The following NTNG1 variants were observed in gnomAD, a reference collection of about 807,000 sequenced individuals.
NTNG1 encodes the protein netrin-G1.
Under a neutral mutation model 54.0 loss-of-function variants are expected in NTNG1, and 16 were observed. The ratio of observed to expected loss-of-function variants is 0.30; its 90% CI spans 0.20 to 0.45. The LOEUF is 0.45. Ranked by LOEUF, NTNG1 falls within the 20% of genes least tolerant of loss-of-function variation. NTNG1 has a pLI of 1.00. For synonymous variants in NTNG1, 255 were observed against 263.1 expected, an observed-to-expected ratio of 0.97 and a Z score of 0.30; for missense variants, 530 against 678.7, an observed-to-expected ratio of 0.78 and a Z score of 2.43.
chr1:107,257,995 C>T (rs114062924), intron 2 of NTNG1, among the ~76,000 whole-genome samples: 4 of 152,190 alleles, frequency 2.6e-5, no homozygotes, highest in East Asian at 1.9e-4. Flanking sequence ...AGGACATCAT[C>T]GGTGATAATA....
chr1:107,370,561 T>C (rs1330604980), intron 3 of NTNG1, among the ~76,000 whole-genome samples: 1 of 151,836 alleles, frequency 6.6e-6, no homozygotes. Flanking sequence ...TTCTTAGGCC[T>C]TTCCATCCTC....
chr1:107,165,379 C>A (rs1655715208), intron 2 of NTNG1, among the ~76,000 whole-genome samples: 1 of 152,148 alleles, frequency 6.6e-6, no homozygotes, highest in South Asian at 2.1e-4. Flanking sequence ...ATTAAAATAG[C>A]TTTGCTGTTA....
intron 2 of NTNG1, among the ~76,000 whole-genome samples, chr1:107,302,919 C>T (rs1666414610): frequency 6.6e-6 from 1 of 152,156 alleles, no homozygotes; most frequent in South Asian, 2.1e-4. Flanking sequence ...AATTATGGCA[C>T]TTAAAATGTG....
At chr1:107,357,293 AT>A (rs1553231986) in intron 3 of NTNG1, among the ~76,000 whole-genome samples, 4 of 152,196 alleles carry the variant, frequency 2.6e-5, no homozygotes, top group Non-Finnish European at 1.5e-5. Flanking sequence ...ATTAAAAAAA[AT>A]TCCTAAATTT....
intron 2 of NTNG1, among the ~76,000 whole-genome samples, chr1:107,220,067 G>T (rs1166043309): frequency 6.6e-6 from 1 of 152,152 alleles, no homozygotes; most frequent in Non-Finnish European, 1.5e-5. Context: ...TGCTGCCCAA[G>T]GAGTGTGGTT....
intron 2 of NTNG1, among the ~76,000 whole-genome samples, chr1:107,305,426 A>G (rs940029491): frequency 4.6e-5 from 7 of 152,128 alleles, no homozygotes; most frequent in Admixed American, 4.6e-4. Context: ...AATGATTGCC[A>G]TTCTAACTGG....
At chr1:107,428,116 A>G (rs1373045851) in intron 5 of NTNG1, among the ~76,000 whole-genome samples, 2 of 152,142 alleles carry the variant, frequency 1.3e-5, no homozygotes, top group African/African-American at 4.8e-5. Flanking sequence ...GAACCATAGT[A>G]TGAAAAGTCA....
chr1:107,282,918 T>C (rs2101733692), intron 2 of NTNG1, among the ~76,000 whole-genome samples: 1 of 152,258 alleles, frequency 6.6e-6, no homozygotes, highest in East Asian at 1.9e-4. Flanking sequence ...GCCCACATTC[T>C]GGTTCATAGA....
chr1:107,145,089 G>C (rs570335290), intron 1 of NTNG1, among the ~76,000 whole-genome samples: 1 of 152,164 alleles, frequency 6.6e-6, no homozygotes, highest in South Asian at 2.1e-4. Context: ...GTTATTCACT[G>C]TCCTTCTCAT....
At chr1:107,174,434 C>G (rs1376340080) in intron 2 of NTNG1, among the ~76,000 whole-genome samples, 3 of 151,574 alleles carry the variant, frequency 2.0e-5, no homozygotes, top group African/African-American at 4.8e-5. Flanking sequence ...TTCTTGTCTC[C>G]CTCCTTCTGC....
chr1:107,304,086 A>G (rs1666504863), intron 2 of NTNG1, among the ~76,000 whole-genome samples: 1 of 152,186 alleles, frequency 6.6e-6, no homozygotes, highest in Non-Finnish European at 1.5e-5. Flanking sequence ...GCCTATTACA[A>G]CAAGTATTTC....
intron 2 of NTNG1, among the ~76,000 whole-genome samples, chr1:107,296,647 ATTAT>A (rs1312993815): frequency 6.9e-6 from 1 of 145,666 alleles, no homozygotes; most frequent in East Asian, 1.9e-4. Context: ...TGAAATATAT[ATTAT>A]TTACATTTAT....
At chr1:107,364,024 T>C (rs1451092281) in intron 3 of NTNG1, among the ~76,000 whole-genome samples, 1 of 152,118 alleles carries the variant, frequency 6.6e-6, no homozygotes, top group Non-Finnish European at 1.5e-5. Context: ...GTGAAATATT[T>C]TGCTTGACTG....
chr1:107,144,449 G>A (rs1243609734), intron 1 of NTNG1, among the ~76,000 whole-genome samples: 1 of 152,054 alleles, frequency 6.6e-6, no homozygotes, highest in Non-Finnish European at 1.5e-5. Context: ...TAAAATGAAT[G>A]CTGAAAACCA....
At chr1:107,439,401 G>A (rs1675817295) in intron 7 of NTNG1, among the ~76,000 whole-genome samples, 1 of 151,914 alleles carries the variant, frequency 6.6e-6, no homozygotes, top group Admixed American at 6.6e-5. Context: ...GACATTTTAT[G>A]TTGTCAGGGA....
intron 3 of NTNG1, chr1:107,328,867 T>C (rs1668110811): frequency 6.6e-6 from 1 of 152,200 alleles, no homozygotes; most frequent in Non-Finnish European, 1.5e-5. Flanking sequence ...AGATATGCTA[T>C]CAGCCATATA....
At chr1:107,141,927 T>C (rs1487791669) in intron 1 of NTNG1, among the ~76,000 whole-genome samples, 1 of 152,184 alleles carries the variant, frequency 6.6e-6, no homozygotes. Flanking sequence ...ATTGCCGGCC[T>C]TGGGGATCTG....
At chr1:107,467,809 G>T (rs577284017) in intron 7 of NTNG1, among the ~76,000 whole-genome samples, 9 of 152,236 alleles carry the variant, frequency 5.9e-5, no homozygotes, top group Middle Eastern at 3.4e-3. Context: ...TTAAATGTTT[G>T]GTCTCCAGTG....
chr1:107,327,792 C>G (rs1055632647), intron 3 of NTNG1, among the ~76,000 whole-genome samples: 6 of 152,088 alleles, frequency 3.9e-5, no homozygotes, highest in African/African-American at 1.4e-4. Context: ...GTATAGTGGA[C>G]AGAGAATTCA....
Sources: allele counts gnomAD v4.1 joint callset (sites outside exome capture counted in the v4.1 genomes callset), GRCh38; gene constraint gnomAD v4.1.1; transcripts MANE v1.5; gene names NCBI Gene and HGNC (gene_info 2026-07-23, HGNC 2026-07-21).